MAP3K21: variants seen among roughly 807,000 people sequenced by gnomAD.
MAP3K21 encodes mitogen-activated protein kinase kinase kinase 21, also known as mitogen-activated protein kinase kinase kinase MLK4.
A neutral mutation model predicts 86.1 loss-of-function variants in MAP3K21; 63 were observed. The ratio of observed to expected loss-of-function variants is 0.73; its 90% CI spans 0.60 to 0.90. The LOEUF (loss-of-function observed/expected upper bound fraction) is 0.90, where lower values mean the gene tolerates loss of function less well. Ranked by LOEUF, MAP3K21 falls within the 40% of genes least tolerant of loss-of-function variation. MAP3K21 has a pLI of 0.00. For missense variants in MAP3K21, 1,220 were observed against 1,367.7 expected, an observed-to-expected ratio of 0.89 and a Z score of 1.70; for synonymous variants, 558 against 564.8, an observed-to-expected ratio of 0.99 and a Z score of 0.17.
chr1:233,361,290 TC>T (rs1208287509), intron 4 of MAP3K21, among the ~76,000 whole-genome samples: 5 of 152,244 alleles, frequency 3.3e-5, no homozygotes, highest in Non-Finnish European at 7.3e-5. Flanking sequence ...CAAGATGAGG[TC>T]TAACTTTAAT....
At position 233,328,037 on chromosome 1, in the gene MAP3K21, G is replaced by A. The variant is rs751294386; in HGVS notation, c.9G>A (p.Leu3=). 3.2e-5 allele frequency: 42 copies of A among 1,309,102 alleles called. No individual in the cohort carries two copies. The highest frequency in any genetic ancestry group is 3.9e-5 in the Non-Finnish European group (40 of 1,033,792). 81.1% of individuals were successfully genotyped at this position (1,309,102 alleles called of 1,614,324 possible). Residue 3 remains leucine, a synonymous_variant, in exon 1 of 10, where the codon TTG becomes TTA. Transcript: ENST00000366624. The surrounding 1 kb of genome is among the most constrained non-coding windows in gnomAD (Gnocchi z 8.7). ...CCCGCGCAGCTGCCCCCATGGCTTTGCGGGGCGCCGCGGGAGCGACCGACA... is the reference window on the plus strand; with the variant it reads ...CCCGCGCAGCTGCCCCCATGGCTTTACGGGGCGCCGCGGGAGCGACCGACA... MA[L]RGAAGATDTP...
intron 4 of MAP3K21, among the ~76,000 whole-genome samples, chr1:233,358,890 A>G (rs1663415845): frequency 6.6e-6 from 1 of 151,846 alleles, no homozygotes; most frequent in Non-Finnish European, 1.5e-5. Flanking sequence ...GCTCACTGCA[A>G]CCTCCACCTC....
At chr1:233,341,026 C>T (rs777432666) in intron 1 of MAP3K21, among the ~76,000 whole-genome samples, 1 of 152,078 alleles carries the variant, frequency 6.6e-6, no homozygotes, top group Admixed American at 6.5e-5. Flanking sequence ...TTCTGTGCCT[C>T]ATGGTTGAAT....
chr1:233,336,885 ACTGT>A (rs1204402339), intron 1 of MAP3K21, among the ~76,000 whole-genome samples: 1 of 152,216 alleles, frequency 6.6e-6, no homozygotes. Context: ...AAATCAAGTA[ACTGT>A]CTGCTGATAA....
At position 233,379,221 on chromosome 1, in the gene MAP3K21, C is replaced by G; in HGVS notation, c.2215C>G (p.Leu739Val). 1 of 1,614,184 alleles carries G rather than the reference C, an allele frequency of 6.2e-7. No homozygotes were observed. Among genetic ancestry groups the G allele is most frequent in the Non-Finnish European group, 8.5e-7 (1 of 1,180,028 alleles). The change falls in exon 9 of 10, where the codon CTC (leucine) becomes GTC (valine). Residue 739 changes from leucine (L) to valine (V), a missense_variant. By Grantham distance (32) the Leu-to-Val change is conservative. Transcript: ENST00000366624. Reference sequence around the variant, plus strand: ...GGCATCGGTGGCTCTGGGACTGGACCTCAGAGAGCTTCATAAAGCACAGGC... The same window carrying G: ...GGCATCGGTGGCTCTGGGACTGGACGTCAGAGAGCTTCATAAAGCACAGGC... ...LLASVALGLDLRELHKAQAAE... is the reference protein window; with the variant it reads ...LLASVALGLDVRELHKAQAAE...
At chr1:233,331,134 A>T (rs1323312056) in intron 1 of MAP3K21, among the ~76,000 whole-genome samples, 1 of 152,204 alleles carries the variant, frequency 6.6e-6, no homozygotes, top group African/African-American at 2.4e-5. Context: ...ACATAATTTG[A>T]TGGTGATTAC....
At chr1:233,338,060 C>G (rs1662950331) in intron 1 of MAP3K21, among the ~76,000 whole-genome samples, 1 of 152,020 alleles carries the variant, frequency 6.6e-6, no homozygotes, top group South Asian at 2.1e-4. Context: ...TATTATGTAC[C>G]TTGACTATTA....
intron 1 of MAP3K21, among the ~76,000 whole-genome samples, chr1:233,344,628 C>T (rs543002988): frequency 6.6e-6 from 1 of 152,268 alleles, no homozygotes; most frequent in South Asian, 2.1e-4. Context: ...CATAAAAACC[C>T]TAGAAGAAAA....
rs1432009917 is a variant in MAP3K21 at position 233,333,402 on chromosome 1, A to G, written c.805+4569A>G. Among the ~76,000 whole-genome samples the G allele has an allele frequency of 3.9e-5, 6 of 152,284 alleles. No homozygotes were observed. In the East Asian group the frequency reaches 1.2e-3, roughly 29 times the overall value. On this transcript the variant is annotated intron_variant, in intron 1 of 9. Coordinates refer to ENST00000366624, the MANE Select transcript of MAP3K21 (RefSeq NM_032435.3). ...AGACTTTTAGAAGAATGGCAATCAC[A>G]AAAGAGTCACCACATCTTCCCCCAT...
chr1:233,366,984 T>A (rs962084661), intron 5 of MAP3K21, among the ~76,000 whole-genome samples: 7 of 152,226 alleles, frequency 4.6e-5, no homozygotes, highest in African/African-American at 1.7e-4. Context: ...TTTCTTGGAA[T>A]TTGCAAGAGA....
intron 8 of MAP3K21, among the ~76,000 whole-genome samples, chr1:233,378,427 C>T (rs889587327): frequency 6.6e-5 from 10 of 152,166 alleles, no homozygotes; most frequent in African/African-American, 2.4e-4. Flanking sequence ...ATTTACATTT[C>T]TACAAATTCC....
rs139829963 is a variant in MAP3K21 at position 233,334,825 on chromosome 1, T to C, written c.805+5992T>C. On this transcript the variant is annotated intron_variant, in intron 1 of 9. Coordinates refer to ENST00000366624, the MANE Select transcript of MAP3K21 (RefSeq NM_032435.3). ...CTATCATAGATTGTCAGAATGGCAA[T>C]AATAAAAACTAAAATAACTTACTTA... is the stretch of plus-strand genomic sequence containing the variant. 4.9e-3 allele frequency among the ~76,000 whole-genome samples: 740 copies of C among 152,264 alleles called. 5 individuals carry two copies. Among genetic ancestry groups the C allele is most frequent in the African/African-American group, 0.017 (720 of 41,548 alleles).
In MAP3K21 at chr1:233,327,782, G is replaced by C. The variant is rs1057177310; in HGVS notation, c.-247G>C. 9.4e-6 allele frequency: 3 copies of C among 317,982 alleles called. No homozygotes were observed. Among genetic ancestry groups the C allele is most frequent in the African/African-American group, 2.2e-5 (1 of 45,952 alleles). The allele number at this position is 317,982 out of a possible 1,614,324, so 19.7% of individuals were successfully genotyped here. On this transcript the variant is annotated 5_prime_UTR_variant, in exon 1 of 10. Transcript: ENST00000366624. ...CGGGCCGGCCGCAGGGCCTGGGCAC[G>C]ACCATGGTGGGACGTCGCCCGCGGC...
Position 233,382,703 on chromosome 1 carries a change from C to T in MAP3K21, c.3103C>T (p.Leu1035=). Residue 1035 remains leucine, a synonymous_variant, in exon 10 of 10, where the codon CTG becomes TTG. Coordinates refer to ENST00000366624, the MANE Select transcript of MAP3K21 (RefSeq NM_032435.3). ...TATATATGAACTGGAGAAAGAATTC[C>T]TGTCTTAAACTAAGTGCCTTACTGT... ...PSIYELEKEF[L]S 6.2e-7 allele frequency: 1 copy of T among 1,611,156 alleles called. No individual in the cohort carries two copies. Among genetic ancestry groups the T allele is most frequent in the Non-Finnish European group, 8.5e-7 (1 of 1,177,826 alleles).
chr1:233,350,185 A>T (rs909469200), intron 2 of MAP3K21, among the ~76,000 whole-genome samples: 5 of 152,090 alleles, frequency 3.3e-5, no homozygotes, highest in African/African-American at 9.7e-5. Flanking sequence ...ATACAATGTG[A>T]ATGTGGTGTA....
chr1:233,374,600 A>T (rs1663753362), intron 6 of MAP3K21, among the ~76,000 whole-genome samples: 2 of 152,190 alleles, frequency 1.3e-5, no homozygotes, highest in African/African-American at 2.4e-5. Flanking sequence ...TTACAAAGTG[A>T]TATAAAGGAG....
intron 1 of MAP3K21, among the ~76,000 whole-genome samples, chr1:233,329,686 GA>G (rs1475440159): frequency 4.6e-5 from 7 of 152,010 alleles, no homozygotes; most frequent in Non-Finnish European, 8.8e-5. Flanking sequence ...CGTGAAATAT[GA>G]TTTTATTATT....
Position 233,366,950 on chromosome 1 carries a change from A to AAT in MAP3K21, c.1552+4659_1552+4660dup, listed in dbSNP as rs199676878. 4.3e-4 allele frequency among the ~76,000 whole-genome samples: 65 copies of AAT among 152,342 alleles called. No homozygotes were observed. In the East Asian group the frequency reaches 0.01, roughly 23 times the overall value. The stretch of plus-strand genomic sequence containing the variant: ...TAATCTAGGATAATAATTTTAAAAC[A>AAT]ATACTTTGTGATTATGTAGTATTTT... On this transcript the variant is annotated intron_variant, in intron 5 of 9. Coordinates refer to ENST00000366624, the MANE Select transcript of MAP3K21 (RefSeq NM_032435.3).
At chr1:233,382,060 G>A (rs1379674509) in intron 9 of MAP3K21, among the ~76,000 whole-genome samples, 4 of 152,152 alleles carry the variant, frequency 2.6e-5, no homozygotes, top group Admixed American at 6.5e-5. Context: ...CTTCAGCCAG[G>A]TGTGGTGGCA....
Sources: gnomAD v4.1 joint callset for allele counts (sites outside exome capture counted in the v4.1 genomes callset) on GRCh38, gnomAD v4.1.1 for gene constraint, Gnocchi (gnomAD v3.1) non-coding constraint, MANE v1.5 for transcripts, NCBI Gene and HGNC (gene_info 2026-07-23, HGNC 2026-07-21) for gene names.